KDM3A: variants seen among roughly 807,000 people sequenced by gnomAD.
KDM3A encodes lysine-specific demethylase 3A.
Under a neutral mutation model 158.0 loss-of-function variants are expected in KDM3A, and 60 were observed. That is an observed-to-expected ratio of 0.38 (90% CI 0.31 to 0.47). The LOEUF is 0.47. Among genes scored for constraint, KDM3A ranks in the 20% least tolerant of loss-of-function variants. The pLI, the probability that KDM3A is intolerant of heterozygous loss-of-function variation, is 0.99. For synonymous variants in KDM3A, 608 were observed against 549.3 expected (o/e 1.11, Z -1.49); for missense variants, 1,319 against 1,574.3 (o/e 0.84, Z 2.74).
intron 11 of KDM3A, among the ~76,000 whole-genome samples, chr2:86,470,653 CATT>C (rs1673361360): frequency 6.6e-6 from 1 of 152,042 alleles, no homozygotes. Flanking sequence ...AAGTAACAGT[CATT>C]ATAGAAAAAT....
At chr2:86,480,714 A>G (rs1170473966) in intron 16 of KDM3A, among the ~76,000 whole-genome samples, 1 of 152,170 alleles carries the variant, frequency 6.6e-6, no homozygotes, top group African/African-American at 2.4e-5. Flanking sequence ...AAACCTTTAT[A>G]TAGCTTTAAA....
intron 1 of KDM3A, 99 bp from the exon 2 acceptor site, chr2:86,441,919 C>A: frequency 2.1e-6 from 2 of 946,484 alleles, no homozygotes; most frequent in Non-Finnish European, 1.5e-6. Context: ...GCCGCGTCCT[C>A]GCGCGGGTTC....
intron 2 of KDM3A, among the ~76,000 whole-genome samples, chr2:86,444,664 G>T (rs1163220594): frequency 2.7e-5 from 4 of 150,024 alleles, no homozygotes; most frequent in Admixed American, 6.7e-5. Context: ...GTGAGATGGG[G>T]GTGGGGCGAG....
intron 14 of KDM3A, 118 bp from the exon 15 acceptor site, chr2:86,478,490 T>C (rs1181307268): frequency 2.5e-6 from 3 of 1,197,712 alleles, no homozygotes; most frequent in Non-Finnish European, 3.5e-6. Flanking sequence ...TGGAGCAGGA[T>C]GAAAAGGAGG....
chr2:86,446,149 A>G (rs1025616141), intron 2 of KDM3A, among the ~76,000 whole-genome samples: 1 of 152,314 alleles, frequency 6.6e-6, no homozygotes. Context: ...AAAATCTGAA[A>G]TATCGAGCAT....
intron 21 of KDM3A, chr2:86,488,466 AGAAAG>A (rs1674294090): frequency 6.6e-6 from 1 of 152,230 alleles, no homozygotes; most frequent in Non-Finnish European, 1.5e-5. Context: ...CAAGCTGGAA[AGAAAG>A]GAAAGTACAA....
chr2:86,464,306 G>A (rs1366529400), intron 9 of KDM3A, 90 bp downstream of exon 9: 5 of 1,013,976 alleles, frequency 4.9e-6, no homozygotes, highest in Non-Finnish European at 6.8e-6. Context: ...GTTGTCCAGG[G>A]AGGTTTTTCG....
At chr2:86,473,359 CTTG>C (rs1377162792) in intron 11 of KDM3A, among the ~76,000 whole-genome samples, 2 of 152,108 alleles carry the variant, frequency 1.3e-5, no homozygotes, top group African/African-American at 2.4e-5. Flanking sequence ...GAGACAGGGT[CTTG>C]TTGTGTTCTC....
intron 16 of KDM3A, among the ~76,000 whole-genome samples, chr2:86,480,827 T>A (rs1673889669): frequency 6.6e-6 from 1 of 152,226 alleles, no homozygotes; most frequent in African/African-American, 2.4e-5. Flanking sequence ...CTGGTGAGTT[T>A]ATACATACCT....
chr2:86,481,405 A>G (rs1041539170), intron 16 of KDM3A, among the ~76,000 whole-genome samples: 4 of 151,996 alleles, frequency 2.6e-5, no homozygotes, highest in African/African-American at 9.7e-5. Context: ...GACGCCTGCC[A>G]CCACGCCCTG....
chr2:86,439,552 T>C (rs116304245), upstream of KDM3A, among the ~76,000 whole-genome samples: 306 of 152,238 alleles, frequency 2.0e-3, 1 homozygote, highest in African/African-American at 7.0e-3. Context: ...TTCCTTCAGG[T>C]TCAATAGAAT....
intron 2 of KDM3A, among the ~76,000 whole-genome samples, chr2:86,448,285 A>G (rs1683035659): frequency 6.6e-6 from 1 of 152,088 alleles, no homozygotes; most frequent in East Asian, 1.9e-4. Context: ...TAGACTGGAG[A>G]AGGTTTGGGA....
At position 86,491,025 on chromosome 2, in the gene KDM3A, GT is replaced by G; in HGVS notation, c.3719del (p.Val1240GlyfsTer57). The G allele has an allele frequency of 6.2e-7, 1 of 1,613,904 alleles. No individual in the cohort carries two copies. The highest frequency in any genetic ancestry group is 8.5e-7 in the Non-Finnish European group (1 of 1,179,896). On this transcript the variant is annotated frameshift_variant, in exon 24 of 26. Transcript: ENST00000312912. LOFTEE classifies it high-confidence loss of function. Reference sequence around the variant, plus strand: ...GGCTATTGTACAGTTTCTTGGGGATGTGGTGTTTATCCCGGCAGGAGCTCCA... The same window carrying G: ...GGCTATTGTACAGTTTCTTGGGGATGGGTGTTTATCCCGGCAGGAGCTCCA... Reference protein sequence around the residue: ...GWAIVQFLGDVVFIPAGAPHQ... With the variant: ...GWAIVQFLGDXVFIPAGAPHQ...
intron 25 of KDM3A, chr2:86,491,811 A>G (rs1353118825): frequency 1.8e-6 from 1 of 540,764 alleles, no homozygotes; most frequent in African/African-American, 1.9e-5. Context: ...ACGTGGTATC[A>G]AAACCTCTAA....
rs542575986 is a variant in KDM3A at position 86,451,371 on chromosome 2, T to G, written c.453+158T>G. The stretch of plus-strand genomic sequence containing the variant: ...CATATAACTTTGATTCCCTCCAAAC[T>G]CTACTAATAGCTTACTGTTGACCAT... On this transcript the variant is annotated intron_variant, in intron 4 of 25. Transcript: ENST00000312912. Among the ~76,000 whole-genome samples the G allele has an allele frequency of 1.6e-4, 24 of 152,268 alleles. No homozygotes were observed. In the South Asian group the frequency reaches 3.3e-3, roughly 21 times the overall value.
At chr2:86,466,975 G>A in intron 10 of KDM3A, 92 bp downstream of exon 10, 1 of 1,081,674 alleles carries the variant, frequency 9.2e-7, no homozygotes, top group Non-Finnish European at 1.3e-6. Context: ...ATGTGAAAAT[G>A]ACTTTGTAGA....
chr2:86,482,831 A>G, intron 18 of KDM3A, 137 bp downstream of exon 18: 1 of 820,830 alleles, frequency 1.2e-6, no homozygotes, highest in Non-Finnish European at 1.9e-6. Flanking sequence ...AGGTGAATAT[A>G]ATCAGGTCAG....
rs1672365455 is a variant in KDM3A, at chr2:86,449,790, C to T, written c.187-17C>T. The T allele has an allele frequency of 1.9e-6, 3 of 1,576,376 alleles. No individual in the cohort carries two copies. The highest frequency in any genetic ancestry group is 1.4e-5 in the African/African-American group (1 of 72,400). On this transcript the variant is annotated splice_polypyrimidine_tract_variant and intron_variant, in intron 2 of 25. Transcript: ENST00000312912. The stretch of plus-strand genomic sequence containing the variant: ...AATTGAATCTGCTTCCCCCACCCCC[C>T]AATTTTGTCTGTCTAGGTGTGTGTG...
At chr2:86,437,515 GA>G (rs1682510701), upstream of KDM3A, among the ~76,000 whole-genome samples, 1 of 152,120 alleles carries the variant, frequency 6.6e-6, no homozygotes, top group Non-Finnish European at 1.5e-5. Flanking sequence ...ACACCCACTA[GA>G]AATATGTCGA....
Sources: allele counts gnomAD v4.1 joint callset (sites outside exome capture counted in the v4.1 genomes callset), GRCh38; gene constraint gnomAD v4.1.1; transcripts MANE v1.5; gene names NCBI Gene and HGNC (gene_info 2026-07-23, HGNC 2026-07-21).